PSMB3: variants seen among roughly 807,000 people sequenced by gnomAD.
The protein encoded by PSMB3 is proteasome 20S subunit beta 3.
Under a neutral mutation model 23.3 loss-of-function variants are expected in PSMB3, and 5 were observed. The observed-to-expected ratio is 0.21, with a 90% confidence interval of 0.11 to 0.45. The LOEUF (loss-of-function observed/expected upper bound fraction) is 0.45. Among genes scored for constraint, PSMB3 ranks in the 20% least tolerant of loss-of-function variants. The probability of loss-of-function intolerance (pLI) is 0.99; values close to 1 mark genes in which losing one functional copy is unlikely to be tolerated. For synonymous variants in PSMB3, 85 were observed against 99.8 expected, an observed-to-expected ratio of 0.85 and a Z score of 0.88; for missense variants, 192 against 277.9, an observed-to-expected ratio of 0.69 and a Z score of 2.20.
intron 1 of PSMB3, 90 bp from the exon 2 acceptor site, chr17:38,753,060 G>A (rs988783420): frequency 1.5e-5 from 21 of 1,384,344 alleles, no homozygotes; most frequent in Middle Eastern, 2.6e-4. Flanking sequence ...TGGAGAACGG[G>A]CGTACAGGAG....
At position 38,755,890 on chromosome 17, in the gene PSMB3, C is replaced by T. The variant is rs771740744; in HGVS notation, c.196C>T (p.Arg66Cys). The change falls in exon 3 of 6, where the codon CGC becomes TGC. Residue 66 changes from arginine to cysteine, a missense_variant. Coordinates refer to ENST00000619426, the MANE Select transcript of PSMB3 (RefSeq NM_002795.4). ...ACTTTTCTCCTACCTCAGTGCCCAG[C>T]GCCTCAAGTTCCGGCTGAACCTGTA... is the stretch of plus-strand genomic sequence containing the variant. ...LATDVQTVAQ[R>C]LKFRLNLYEL... The T allele has an allele frequency of 6.2e-6, 10 of 1,613,792 alleles. No homozygotes were observed. Among genetic ancestry groups the T allele is most frequent in the Admixed American group, 1.7e-5 (1 of 59,968 alleles).
chr17:38,756,896 T>C (rs73295109), intron 3 of PSMB3, among the ~76,000 whole-genome samples: 13,267 of 150,992 alleles, frequency 0.088, 1,953 homozygotes, highest in African/African-American at 0.31. Context: ...TTTTTTTTTT[T>C]TGAGATGGTG....
At chr17:38,762,025 G>A (rs1165238220) in intron 4 of PSMB3, 2 of 183,920 alleles carry the variant, frequency 1.1e-5, no homozygotes, top group Non-Finnish European at 2.3e-5. Context: ...GACAGGTTGG[G>A]TTTTGAGGTA....
intron 1 of PSMB3, 65 bp from the exon 2 acceptor site, chr17:38,753,085 G>C (rs943202920): frequency 2.5e-5 from 38 of 1,490,442 alleles, no homozygotes; most frequent in Non-Finnish European, 3.4e-5. Flanking sequence ...CGCATCAGGA[G>C]CTGGGCCGGG....
Position 38,755,678 on chromosome 17 carries a change from A to ATGTGTGTG in PSMB3, c.189-204_189-203insGTGTGTGT, listed in dbSNP as rs1207952481. 6.2e-3 allele frequency among the ~76,000 whole-genome samples: 665 copies of ATGTGTGTG among 107,024 alleles called. 3 individuals are homozygous for ATGTGTGTG. Among genetic ancestry groups the ATGTGTGTG allele is most frequent in the Admixed American group, 7.1e-3 (64 of 8,956 alleles). The allele number at this position is 107,024 out of a possible 152,430, so 70.2% of individuals were successfully genotyped here. ...AAAAAAAATATATATATATATATATATATATGTGTGTGTGTGTGTGTGTGT... is the reference window on the plus strand; with the variant it reads ...AAAAAAAATATATATATATATATATATGTGTGTGTATATGTGTGTGTGTGTGTGTGTGT... On this transcript the variant is annotated intron_variant, in intron 2 of 5. Coordinates refer to ENST00000619426, the MANE Select transcript of PSMB3 (RefSeq NM_002795.4).
At chr17:38,754,927 C>T (rs1908089413) in intron 2 of PSMB3, among the ~76,000 whole-genome samples, 1 of 152,014 alleles carries the variant, frequency 6.6e-6, no homozygotes, top group South Asian at 2.1e-4. Context: ...CTTTTTTCAC[C>T]AGAGCTGCCA....
intron 5 of PSMB3, among the ~76,000 whole-genome samples, chr17:38,762,840 G>A (rs1220530470): frequency 1.3e-5 from 2 of 152,098 alleles, no homozygotes; most frequent in African/African-American, 4.8e-5. Context: ...TAGGTGGCTC[G>A]CATCCTCTCT....
At chr17:38,762,129 T>C in intron 4 of PSMB3, 2 of 388,606 alleles carry the variant, frequency 5.1e-6, no homozygotes, top group South Asian at 1.0e-4. Context: ...ACAGAGAAAC[T>C]GAGGCTCAGT....
Position 38,764,178 on chromosome 17 carries a change from A to G in PSMB3, c.*11A>G. 4 of 1,613,590 alleles carry G rather than the reference A, an allele frequency of 2.5e-6. No homozygotes were observed. Among genetic ancestry groups the G allele is most frequent in the Non-Finnish European group, 3.4e-6 (4 of 1,179,722 alleles). On this transcript the variant is annotated 3_prime_UTR_variant, in exon 6 of 6. Transcript: ENST00000619426. The stretch of plus-strand genomic sequence containing the variant: ...GCCCGAATGGACTAACCCTGTTCCC[A>G]GAGCCCACTTTTTTTTCTTTTTTTG...
At chr17:38,761,213 A>T (rs1336817129) in intron 4 of PSMB3, among the ~76,000 whole-genome samples, 2 of 151,850 alleles carry the variant, frequency 1.3e-5, no homozygotes, top group East Asian at 3.9e-4. Flanking sequence ...TTAGCCGGGC[A>T]TGGTGGTGCA....
intron 3 of PSMB3, 130 bp from the exon 4 acceptor site, chr17:38,760,301 G>GGTCGCCGT: frequency 1.1e-6 from 1 of 944,116 alleles, no homozygotes; most frequent in Non-Finnish European, 1.6e-6. Flanking sequence ...AGGGAAAGGT[G>GGTCGCCGT]ATCTTCCTAA....
At chr17:38,755,680 ATATG>A (rs1908154931) in intron 2 of PSMB3, among the ~76,000 whole-genome samples, 199 bp from the exon 3 acceptor site, 1 of 103,528 alleles carries the variant, frequency 9.7e-6, no homozygotes, top group African/African-American at 4.0e-5. Context: ...ATATATATAT[ATATG>A]TGTGTGTGTG....
At chr17:38,757,956 CGAAAAAAAA>C (rs561687739) in intron 3 of PSMB3, among the ~76,000 whole-genome samples, 99 of 151,324 alleles carry the variant, frequency 6.5e-4, no homozygotes, top group African/African-American at 2.2e-3. Context: ...GCCCAGCCAA[CGAAAAAAAA>C]AGTTAATAAT....
At position 38,753,299 on chromosome 17, in the gene PSMB3, C is replaced by G. The variant is rs1368136549; in HGVS notation, c.153C>G (p.Ile51Met). ...TTCCCATGGGTGACCGGCTGTACAT[C>G]GGTCTGGCCGGGCTCGCCACTGACG... ...KIFPMGDRLY[I>M]GLAGLATDVQ... The change falls in exon 2 of 6, where the codon ATC (isoleucine) becomes ATG (methionine). Residue 51 changes from isoleucine to methionine, a missense_variant. Ile to Met is a conservative substitution (Grantham distance 10). Transcript: ENST00000619426. 8 of 1,614,066 alleles carry G rather than the reference C, an allele frequency of 5.0e-6. No individual in the cohort carries two copies. Among genetic ancestry groups the G allele is most frequent in the Non-Finnish European group, 5.9e-6 (7 of 1,179,994 alleles).
chr17:38,764,021 G>A (rs1908569558), intron 5 of PSMB3, 98 bp from the exon 6 acceptor site: 18 of 1,434,736 alleles, frequency 1.3e-5, no homozygotes, highest in South Asian at 4.7e-5. Context: ...CTCCCTTGCC[G>A]CAGGGCTTGA....
intron 2 of PSMB3, 149 bp downstream of exon 2, chr17:38,753,483 CT>C (rs35484180): frequency 0.37 from 229,648 of 615,558 alleles, 10,359 homozygotes; most frequent in East Asian, 0.5. Flanking sequence ...CCTTCCCTTT[CT>C]TTTTTTTTTT....
At chr17:38,755,715 T>C (rs597054) in intron 2 of PSMB3, among the ~76,000 whole-genome samples, 168 bp from the exon 3 acceptor site, 34,012 of 138,146 alleles carry the variant, frequency 0.25, 4,856 homozygotes, top group East Asian at 0.37. Flanking sequence ...TGTGTGTGTG[T>C]GCTGCCAAAG....
intron 4 of PSMB3, among the ~76,000 whole-genome samples, chr17:38,760,855 ATT>A (rs1908405210): frequency 6.6e-6 from 1 of 152,302 alleles, no homozygotes; most frequent in South Asian, 2.1e-4. Flanking sequence ...AATTCCTTAC[ATT>A]GGGTTTACAG....
chr17:38,760,741 T>G, intron 4 of PSMB3, 133 bp downstream of exon 4: 1 of 1,063,228 alleles, frequency 9.4e-7, no homozygotes, highest in Non-Finnish European at 1.3e-6. Context: ...TGCTGCTCCT[T>G]GGAAGGGTAT....
Sources: gnomAD v4.1 joint callset for allele counts (sites outside exome capture counted in the v4.1 genomes callset) on GRCh38, gnomAD v4.1.1 for gene constraint, MANE v1.5 for transcripts, NCBI Gene and HGNC (gene_info 2026-07-23, HGNC 2026-07-21) for gene names.